The following CNTNAP2 variants were observed in gnomAD, a reference collection of about 807,000 sequenced individuals.
CNTNAP2 encodes contactin-associated protein-like 2.
Under a neutral mutation model 155.2 loss-of-function variants are expected in CNTNAP2, and 98 were observed. The ratio of observed to expected loss-of-function variants is 0.63; its 90% CI spans 0.54 to 0.75. CNTNAP2 has a LOEUF of 0.75. Among genes scored for constraint, CNTNAP2 ranks in the 30% least tolerant of loss-of-function variants. The pLI is 0.00. For synonymous variants in CNTNAP2, 651 were observed against 631.2 expected (o/e 1.03, Z -0.47); for missense variants, 1,727 against 1,688.1 (o/e 1.02, Z -0.40).
chr7:146,685,399 C>G (rs747380195), intron 1 of CNTNAP2, among the ~76,000 whole-genome samples: 1 of 152,132 alleles, frequency 6.6e-6, no homozygotes, highest in Non-Finnish European at 1.5e-5. Context: ...CAGAGAATTG[C>G]ATGGACATAT....
chr7:146,967,408 C>T (rs1182195037), intron 3 of CNTNAP2, among the ~76,000 whole-genome samples: 1 of 152,110 alleles, frequency 6.6e-6, no homozygotes, highest in African/African-American at 2.4e-5. Flanking sequence ...GCAGTACGGC[C>T]ATTTTCACGA....
chr7:147,022,019 T>C (rs575433286), intron 3 of CNTNAP2, among the ~76,000 whole-genome samples: 1 of 152,300 alleles, frequency 6.6e-6, no homozygotes, highest in African/African-American at 2.4e-5. Flanking sequence ...AAGTTTTTCT[T>C]ATTTTTATAT....
At chr7:146,814,417 A>T (rs556705300) in intron 2 of CNTNAP2, among the ~76,000 whole-genome samples, 1 of 152,308 alleles carries the variant, frequency 6.6e-6, no homozygotes, top group South Asian at 2.1e-4. Flanking sequence ...CACTGTAAAT[A>T]TTAAGTTAAT....
At chr7:148,314,285 G>A (rs1448735438) in intron 21 of CNTNAP2, among the ~76,000 whole-genome samples, 1 of 152,136 alleles carries the variant, frequency 6.6e-6, no homozygotes, top group African/African-American at 2.4e-5. Flanking sequence ...GTAAAAGAGT[G>A]CCTGGATGTC....
chr7:146,461,420 A>ATATATAT (rs755731022), intron 1 of CNTNAP2, among the ~76,000 whole-genome samples: 9 of 150,748 alleles, frequency 6.0e-5, no homozygotes, highest in African/African-American at 2.2e-4. Flanking sequence ...AAAAAAATAT[A>ATATATAT]ATAATAATAA....
At chr7:147,149,167 A>G (rs1801776097) in intron 8 of CNTNAP2, among the ~76,000 whole-genome samples, 1 of 152,086 alleles carries the variant, frequency 6.6e-6, no homozygotes, top group African/African-American at 2.4e-5. Context: ...TGATTGGCCC[A>G]TTTTATGGAG....
intron 9 of CNTNAP2, among the ~76,000 whole-genome samples, chr7:147,352,470 G>A (rs1012243488): frequency 6.6e-6 from 1 of 151,868 alleles, no homozygotes; most frequent in African/African-American, 2.4e-5. Flanking sequence ...AATAAAAGTT[G>A]TCCCATTTCA....
chr7:146,745,518 CA>C (rs1259117472), intron 1 of CNTNAP2, among the ~76,000 whole-genome samples: 1 of 151,996 alleles, frequency 6.6e-6, no homozygotes, highest in Non-Finnish European at 1.5e-5. Context: ...GCGGTAATCC[CA>C]GCACTTTGGG....
chr7:147,368,576 C>T (rs1230341094), intron 9 of CNTNAP2, among the ~76,000 whole-genome samples: 1 of 152,106 alleles, frequency 6.6e-6, no homozygotes, highest in Non-Finnish European at 1.5e-5. Context: ...CTGCCCACGG[C>T]CCGGTCAGAG....
intron 1 of CNTNAP2, among the ~76,000 whole-genome samples, chr7:146,658,717 T>G (rs1800035127): frequency 6.6e-6 from 1 of 152,188 alleles, no homozygotes; most frequent in African/African-American, 2.4e-5. Flanking sequence ...CTAAGTATAA[T>G]TCTCATGACT....
chr7:147,301,588 CTCTCTGTGTGTGTGTG>C (rs965573625), intron 9 of CNTNAP2, among the ~76,000 whole-genome samples: 12 of 60,710 alleles, frequency 2.0e-4, no homozygotes, highest in African/African-American at 9.3e-4. Context: ...CTCTCTCTCT[CTCTCTGTGTGTGTGTG>C]TGTGTGTGTG....
chr7:148,111,802 C>T (rs1022726023), intron 15 of CNTNAP2, among the ~76,000 whole-genome samples: 10 of 152,072 alleles, frequency 6.6e-5, no homozygotes, highest in Admixed American at 2.6e-4. Flanking sequence ...CAATTAAGTG[C>T]GAAAGTAGAA....
chr7:146,249,659 C>T (rs544525980), intron 1 of CNTNAP2, among the ~76,000 whole-genome samples: 44 of 152,260 alleles, frequency 2.9e-4, no homozygotes, highest in African/African-American at 9.9e-4. Flanking sequence ...GCATGAGTTG[C>T]TTTTCTTATT....
chr7:146,686,346 C>A (rs772132035), intron 1 of CNTNAP2, among the ~76,000 whole-genome samples: 1 of 151,980 alleles, frequency 6.6e-6, no homozygotes, highest in East Asian at 1.9e-4. Context: ...AGTAGCAGTG[C>A]GATTGTACGT....
intron 8 of CNTNAP2, among the ~76,000 whole-genome samples, chr7:147,197,809 A>G (rs1467889029): frequency 6.6e-6 from 1 of 152,214 alleles, no homozygotes; most frequent in African/African-American, 2.4e-5. Context: ...CTTTATGAAA[A>G]TATTTGTTTT....
chr7:146,999,865 A>G (rs1175061959), intron 3 of CNTNAP2, among the ~76,000 whole-genome samples: 2 of 152,020 alleles, frequency 1.3e-5, no homozygotes, highest in Non-Finnish European at 2.9e-5. Flanking sequence ...TCTTTTTTAA[A>G]TTAAATCAGA....
At chr7:147,810,961 G>T (rs751054605) in intron 13 of CNTNAP2, among the ~76,000 whole-genome samples, 12 of 152,192 alleles carry the variant, frequency 7.9e-5, no homozygotes, top group Non-Finnish European at 1.2e-4. Context: ...TGGGAATCCT[G>T]TTCAAGAGAG....
chr7:147,091,795 A>G (rs544927949), intron 4 of CNTNAP2, among the ~76,000 whole-genome samples: 2 of 151,882 alleles, frequency 1.3e-5, no homozygotes, highest in Non-Finnish European at 2.9e-5. Context: ...TTTAGTAGAG[A>G]CGGAATTTCA....
At chr7:146,273,086 A>AAGAGAGAGAGAGAGAG (rs58582637) in intron 1 of CNTNAP2, among the ~76,000 whole-genome samples, 1 of 138,006 alleles carries the variant, frequency 7.2e-6, no homozygotes, top group African/African-American at 2.9e-5. Context: ...GAGAAAGAGA[A>AAGAGAGAGAGAGAGAG]AGAGAGAGAG....
Sources: allele counts gnomAD v4.1 joint callset (sites outside exome capture counted in the v4.1 genomes callset), GRCh38; gene constraint gnomAD v4.1.1; transcripts MANE v1.5; gene names NCBI Gene and HGNC (gene_info 2026-07-23, HGNC 2026-07-21).